TMEM108: variants seen among roughly 807,000 people sequenced by gnomAD.
The protein encoded by TMEM108 is transmembrane protein 108.
In TMEM108, 12 loss-of-function variants were observed where a neutral mutation model predicts 35.1. That is an observed-to-expected ratio of 0.34 (90% CI 0.22 to 0.55). The LOEUF (loss-of-function observed/expected upper bound fraction) is 0.55, where lower values mean the gene tolerates loss of function less well. Among genes scored for constraint, TMEM108 ranks in the 20% least tolerant of loss-of-function variants. The pLI, the probability that TMEM108 is intolerant of heterozygous loss-of-function variation, is 0.89. For missense variants in TMEM108, 680 were observed against 753.3 expected (o/e 0.90, Z 1.14); for synonymous variants, 287 against 308.6 (o/e 0.93, Z 0.73).
At chr3:133,281,478 A>G (rs1946911453) in intron 3 of TMEM108, among the ~76,000 whole-genome samples, 1 of 152,266 alleles carries the variant, frequency 6.6e-6, no homozygotes, top group South Asian at 2.1e-4. Context: ...AAGTACAATT[A>G]TAGCTGTTAA....
chr3:133,200,233 G>C (rs535126879), intron 2 of TMEM108, among the ~76,000 whole-genome samples: 2 of 152,244 alleles, frequency 1.3e-5, no homozygotes, highest in Non-Finnish European at 2.9e-5. Flanking sequence ...GCAATGCCTC[G>C]CCCTGCTTCT....
At chr3:133,228,639 C>T (rs1946108980) in intron 2 of TMEM108, among the ~76,000 whole-genome samples, 1 of 152,022 alleles carries the variant, frequency 6.6e-6, no homozygotes, top group Non-Finnish European at 1.5e-5. Context: ...TAAAATGAAA[C>T]AGACCAATAG....
chr3:133,066,356 A>G (rs1344402846), intron 2 of TMEM108, among the ~76,000 whole-genome samples: 4 of 152,128 alleles, frequency 2.6e-5, no homozygotes, highest in African/African-American at 7.2e-5. Flanking sequence ...ACCTTGTTCT[A>G]GAAAGGATTT....
At chr3:133,047,164 A>T (rs1259013533) in intron 2 of TMEM108, among the ~76,000 whole-genome samples, 1 of 152,228 alleles carries the variant, frequency 6.6e-6, no homozygotes, top group African/African-American at 2.4e-5. Flanking sequence ...CCAGGTGAGC[A>T]GCCCGATGCA....
chr3:133,138,930 C>G (rs1028888230), intron 2 of TMEM108, among the ~76,000 whole-genome samples: 1 of 151,992 alleles, frequency 6.6e-6, no homozygotes, highest in Non-Finnish European at 1.5e-5. Context: ...CCCCACCCCC[C>G]AACAGGCCCC....
At chr3:133,194,479 G>GT (rs869241195) in intron 2 of TMEM108, among the ~76,000 whole-genome samples, 7 of 151,808 alleles carry the variant, frequency 4.6e-5, no homozygotes, top group Non-Finnish European at 8.8e-5. Context: ...TTTTCTGGTA[G>GT]TTTTTTAAAA....
chr3:133,161,542 C>T (rs1944961866), intron 2 of TMEM108, among the ~76,000 whole-genome samples: 1 of 152,032 alleles, frequency 6.6e-6, no homozygotes, highest in Admixed American at 6.5e-5. Flanking sequence ...ATGGTAAGTG[C>T]TCAATAAATG....
intron 2 of TMEM108, among the ~76,000 whole-genome samples, chr3:133,181,524 C>T (rs996220031): frequency 6.6e-6 from 1 of 152,088 alleles, no homozygotes; most frequent in African/African-American, 2.4e-5. Flanking sequence ...TGTTTAGAGT[C>T]ACTTCATCAC....
At chr3:133,047,688 G>A (rs1249227128) in intron 2 of TMEM108, among the ~76,000 whole-genome samples, 3 of 151,712 alleles carry the variant, frequency 2.0e-5, no homozygotes, top group African/African-American at 7.3e-5. Flanking sequence ...ATTGCCCCTG[G>A]TTGAGAAACA....
intron 2 of TMEM108, among the ~76,000 whole-genome samples, chr3:133,193,334 A>G (rs76115744): frequency 0.03 from 4,545 of 152,320 alleles, 112 homozygotes; most frequent in Middle Eastern, 0.048. Flanking sequence ...AGATAATTCA[A>G]TGAATGAAAA....
intron 3 of TMEM108, among the ~76,000 whole-genome samples, chr3:133,322,953 T>C (rs1341442414): frequency 6.6e-6 from 1 of 152,020 alleles, no homozygotes; most frequent in Non-Finnish European, 1.5e-5. Context: ...TTTGACAAAA[T>C]CCAGCATCCT....
rs1406629523 is a variant in TMEM108 at position 133,196,881 on chromosome 3, C to T, written c.-46-32385C>T. 4.6e-5 allele frequency among the ~76,000 whole-genome samples: 7 copies of T among 152,238 alleles called. No homozygotes were observed. The South Asian group carries it at 6.2e-4, about 14-fold the overall frequency. ...ACAGGCAAAACTTACCTGGAAATCC[C>T]GGGTAGACTTCTCGTTTCTCGTTAG... On this transcript the variant is annotated intron_variant, in intron 2 of 5. Coordinates refer to ENST00000321871, the MANE Select transcript of TMEM108 (RefSeq NM_023943.4).
At chr3:133,154,567 T>C (rs1576348801) in intron 2 of TMEM108, among the ~76,000 whole-genome samples, 1 of 152,242 alleles carries the variant, frequency 6.6e-6, no homozygotes, top group South Asian at 2.1e-4. Flanking sequence ...TGTAGGGACA[T>C]GGATGAAGCT....
intron 5 of TMEM108, among the ~76,000 whole-genome samples, chr3:133,391,419 C>T (rs965256081): frequency 6.6e-6 from 1 of 152,130 alleles, no homozygotes; most frequent in Non-Finnish European, 1.5e-5. Flanking sequence ...GGGTCCCTTC[C>T]CCAGAGCAGC....
At chr3:133,368,026 C>G (rs1256217743) in intron 3 of TMEM108, among the ~76,000 whole-genome samples, 8 of 152,216 alleles carry the variant, frequency 5.3e-5, no homozygotes, top group African/African-American at 1.4e-4. Flanking sequence ...TACACAGATG[C>G]TGGTGTGCTC....
chr3:133,347,594 A>G (rs758102986), intron 3 of TMEM108, among the ~76,000 whole-genome samples: 24 of 151,978 alleles, frequency 1.6e-4, no homozygotes, highest in Non-Finnish European at 2.8e-4. Context: ...ACAAAGTTTT[A>G]TTTATTCTCA....
At chr3:133,203,637 G>A (rs983921657) in intron 2 of TMEM108, among the ~76,000 whole-genome samples, 5 of 152,178 alleles carry the variant, frequency 3.3e-5, no homozygotes, top group African/African-American at 1.2e-4. Flanking sequence ...GCATCCCCGG[G>A]ATGAAGCCGA....
chr3:133,184,154 C>T (rs1325457174), intron 2 of TMEM108, among the ~76,000 whole-genome samples: 1 of 152,076 alleles, frequency 6.6e-6, no homozygotes, highest in East Asian at 1.9e-4. Flanking sequence ...TCTAAAGGGA[C>T]TATTTAAATT....
intron 2 of TMEM108, among the ~76,000 whole-genome samples, chr3:133,184,943 T>C (rs1383644220): frequency 2.6e-5 from 4 of 152,222 alleles, no homozygotes. Flanking sequence ...TTGCATGTAT[T>C]GTAGGTTAAC....
Sources: allele counts gnomAD v4.1 joint callset (sites outside exome capture counted in the v4.1 genomes callset), GRCh38; gene constraint gnomAD v4.1.1; transcripts MANE v1.5; gene names NCBI Gene and HGNC (gene_info 2026-07-23, HGNC 2026-07-21).